The following TMEM273 variants were observed in gnomAD, a reference collection of about 807,000 sequenced individuals.
TMEM273 encodes the protein chromosome 10 open reading frame 128.
Under a neutral mutation model 17.9 loss-of-function variants are expected in TMEM273, and 19 were observed. That is an observed-to-expected ratio of 1.06 (90% confidence interval 0.74 to 1.55). The LOEUF (loss-of-function observed/expected upper bound fraction) is 1.55, where lower values mean the gene tolerates loss of function less well. TMEM273 is among the 40% of genes most tolerant of loss of function. The pLI, the probability that TMEM273 is intolerant of heterozygous loss-of-function variation, is 0.00. For missense variants in TMEM273, 194 were observed against 155.6 expected (o/e 1.25, Z -1.31); for synonymous variants, 66 against 62.0 (o/e 1.07, Z -0.31).
rs551239366 is a variant in TMEM273 at position 49,181,919 on chromosome 10, A to G, written c.43+6375T>C. Among the ~76,000 whole-genome samples the G allele has an allele frequency of 2.8e-4, 42 of 152,384 alleles. 2 individuals carry two copies. The Middle Eastern group carries it at 0.034, about 123-fold the overall frequency. On this transcript the variant is annotated intron_variant, in intron 1 of 6. Transcript: ENST00000374153. Reference sequence around the variant, plus strand: ...AAAAGACAAACTATAGACTAAGAAAATATTTGCACTCCACATATTTGACAA... The same window carrying G: ...AAAAGACAAACTATAGACTAAGAAAGTATTTGCACTCCACATATTTGACAA...
intron 1 of TMEM273, among the ~76,000 whole-genome samples, chr10:49,170,064 C>T (rs2132179505): frequency 6.6e-6 from 1 of 152,338 alleles, no homozygotes; most frequent in South Asian, 2.1e-4. Flanking sequence ...GCATTGCTCT[C>T]ACTTGCAGTG....
intron 1 of TMEM273, among the ~76,000 whole-genome samples, chr10:49,170,394 C>T (rs894174008): frequency 6.6e-6 from 1 of 152,134 alleles, no homozygotes; most frequent in Non-Finnish European, 1.5e-5. Flanking sequence ...CTCCTTCTGC[C>T]CCTCTCTGTG....
Position 49,165,301 on chromosome 10 carries a change from A to G in TMEM273, c.270-18T>C. On this transcript the variant is annotated intron_variant, in intron 4 of 6. Coordinates refer to ENST00000374153, the MANE Select transcript of TMEM273 (RefSeq NM_001288740.3). ...GCAGCTTTCTGGCAAAGAGCATTCC[A>G]ATTACAGAAAACAGCAAGTGCAAAG... is the stretch of plus-strand genomic sequence containing the variant. 1.9e-6 allele frequency: 3 copies of G among 1,550,548 alleles called. No homozygotes were observed. The highest frequency in any genetic ancestry group is 2.6e-6 in the Non-Finnish European group (3 of 1,146,982).
At chr10:49,158,368 A>G (rs969350715) in intron 6 of TMEM273, among the ~76,000 whole-genome samples, 1 of 152,040 alleles carries the variant, frequency 6.6e-6, no homozygotes, top group African/African-American at 2.4e-5. Context: ...CCCAATAACC[A>G]AAAACACAAA....
chr10:49,166,822 G>T (rs1267671059), intron 3 of TMEM273, 47 bp downstream of exon 3: 1 of 1,609,598 alleles, frequency 6.2e-7, no homozygotes, highest in South Asian at 1.1e-5. Flanking sequence ...GGCCCTCGGT[G>T]CCTCGCTGGG....
chr10:49,177,980 C>G (rs1020370447), intron 1 of TMEM273, among the ~76,000 whole-genome samples: 1 of 152,142 alleles, frequency 6.6e-6, no homozygotes, highest in African/African-American at 2.4e-5. Flanking sequence ...CAACATGACC[C>G]TGCTGGTGTG....
intron 1 of TMEM273, among the ~76,000 whole-genome samples, chr10:49,186,081 GA>G (rs1564652120): frequency 1.4e-5 from 2 of 142,982 alleles, no homozygotes; most frequent in African/African-American, 2.8e-5. Flanking sequence ...AGAAGAAGAA[GA>G]AGAAGAAGAA....
chr10:49,157,346 T>C (rs1845573632), intron 6 of TMEM273, among the ~76,000 whole-genome samples: 1 of 152,216 alleles, frequency 6.6e-6, no homozygotes, highest in Non-Finnish European at 1.5e-5. Context: ...TAGGGCAGCA[T>C]CTGCTGGCTG....
chr10:49,170,871 A>C (rs1353098544), intron 1 of TMEM273, among the ~76,000 whole-genome samples: 2 of 151,784 alleles, frequency 1.3e-5, no homozygotes, highest in East Asian at 3.9e-4. Context: ...GCTGGGGAGG[A>C]CCCCCTGGGC....
At chr10:49,179,113 A>G (rs185112787) in intron 1 of TMEM273, among the ~76,000 whole-genome samples, 1 of 152,246 alleles carries the variant, frequency 6.6e-6, no homozygotes, top group South Asian at 2.1e-4. Context: ...AGTCCATCTC[A>G]CTAAGAACCA....
chr10:49,165,888 TCTCA>T (rs1590199836), intron 3 of TMEM273, 92 bp from the exon 4 acceptor site: 1 of 1,547,786 alleles, frequency 6.5e-7, no homozygotes, highest in Non-Finnish European at 8.9e-7. Context: ...TCCTTGGTCC[TCTCA>T]CTCACGGTTG....
At chr10:49,166,733 A>G in intron 3 of TMEM273, 136 bp downstream of exon 3, 1 of 1,296,468 alleles carries the variant, frequency 7.7e-7, no homozygotes, top group Non-Finnish European at 1.1e-6. Flanking sequence ...AGAAACATGC[A>G]GAGGTCACTG....
intron 6 of TMEM273, 162 bp from the exon 7 acceptor site, chr10:49,156,071 G>A: frequency 1.3e-6 from 2 of 1,546,410 alleles, no homozygotes; most frequent in Non-Finnish European, 1.7e-6. Flanking sequence ...AGGAACTGAA[G>A]GCCAGTGGCT....
intron 1 of TMEM273, among the ~76,000 whole-genome samples, chr10:49,186,110 G>GAA (rs59346438): frequency 0.064 from 5,316 of 83,022 alleles, 226 homozygotes; most frequent in Admixed American, 0.097. Context: ...AAGAAGAAGA[G>GAA]GAAGAAGAAG....
chr10:49,157,392 G>C (rs1184025495), intron 6 of TMEM273, among the ~76,000 whole-genome samples: 2 of 152,220 alleles, frequency 1.3e-5, no homozygotes, highest in Non-Finnish European at 2.9e-5. Context: ...GGTACTCCGG[G>C]CTGGCATCAT....
chr10:49,159,140 C>G (rs956948385), intron 6 of TMEM273, among the ~76,000 whole-genome samples: 1 of 151,846 alleles, frequency 6.6e-6, no homozygotes, highest in Admixed American at 6.6e-5. Context: ...GAATCGTGTA[C>G]ATGACACACG....
chr10:49,176,668 G>A (rs1311751272), intron 1 of TMEM273, among the ~76,000 whole-genome samples: 3 of 152,182 alleles, frequency 2.0e-5, no homozygotes, highest in African/African-American at 7.2e-5. Context: ...AGGGGAGTGC[G>A]CATCCAGGGA....
At chr10:49,158,606 T>C (rs1845655771) in intron 6 of TMEM273, among the ~76,000 whole-genome samples, 1 of 152,060 alleles carries the variant, frequency 6.6e-6, no homozygotes, top group Non-Finnish European at 1.5e-5. Flanking sequence ...CCAGGAAGCC[T>C]CTCTAGGCTC....
chr10:49,162,079 C>T (rs2132112147), intron 5 of TMEM273, among the ~76,000 whole-genome samples: 1 of 152,232 alleles, frequency 6.6e-6, no homozygotes, highest in Middle Eastern at 3.4e-3. Context: ...TGGAAAATGC[C>T]TTCTATAGCC....
Sources: gnomAD v4.1 joint callset for allele counts (sites outside exome capture counted in the v4.1 genomes callset) on GRCh38, gnomAD v4.1.1 for gene constraint, MANE v1.5 for transcripts, NCBI Gene and HGNC (gene_info 2026-07-23, HGNC 2026-07-21) for gene names.